The following MYLK variants were observed in gnomAD, a reference collection of about 807,000 sequenced individuals.
MYLK encodes the protein myosin light chain kinase, smooth muscle.
A neutral mutation model predicts 203.4 loss-of-function variants in MYLK; 106 were observed. The observed-to-expected ratio is 0.52, with a 90% CI of 0.45 to 0.61. The LOEUF is 0.61. MYLK is among the 20% of genes least tolerant of loss of function. The pLI, the probability that MYLK is intolerant of heterozygous loss-of-function variation, is 0.00. For synonymous variants in MYLK, 867 were observed against 959.5 expected, an observed-to-expected ratio of 0.90 and a Z score of 1.78; for missense variants, 2,072 against 2,442.3, an observed-to-expected ratio of 0.85 and a Z score of 3.20.
At chr3:123,825,303 T>C (rs1004285925) in intron 3 of MYLK, among the ~76,000 whole-genome samples, 1 of 152,154 alleles carries the variant, frequency 6.6e-6, no homozygotes, top group African/African-American at 2.4e-5. Context: ...TAGCAGGGCA[T>C]GGAGATACAC....
At chr3:123,759,790 C>T (rs918573805) in intron 4 of MYLK, among the ~76,000 whole-genome samples, 3 of 152,232 alleles carry the variant, frequency 2.0e-5, no homozygotes, top group Admixed American at 1.3e-4. Context: ...GCCGTTCTCT[C>T]CCAAGCCCCA....
chr3:123,713,333 C>T (rs552315224), intron 13 of MYLK, among the ~76,000 whole-genome samples: 24 of 152,222 alleles, frequency 1.6e-4, no homozygotes, highest in African/African-American at 3.4e-4. Flanking sequence ...ACTTAACTAA[C>T]GGGAAGTGAC....
intron 19 of MYLK, among the ~76,000 whole-genome samples, chr3:123,687,444 G>T (rs573062512): frequency 1.3e-5 from 2 of 152,120 alleles, no homozygotes; most frequent in Admixed American, 1.3e-4. Context: ...GTCTCTGTTT[G>T]CCTGAGATGA....
intron 31 of MYLK, chr3:123,620,630 C>A: frequency 8.5e-7 from 1 of 1,178,406 alleles, no homozygotes; most frequent in Non-Finnish European, 1.1e-6. Context: ...AGTGCTTCAA[C>A]TCCCATAAAA....
chr3:123,653,376 C>G (rs2059282138), intron 24 of MYLK, among the ~76,000 whole-genome samples: 1 of 152,114 alleles, frequency 6.6e-6, no homozygotes, highest in Non-Finnish European at 1.5e-5. Context: ...GCCTGGAATC[C>G]CCTCAACCAG....
intron 13 of MYLK, among the ~76,000 whole-genome samples, chr3:123,715,317 T>A (rs1219677766): frequency 6.6e-6 from 1 of 152,190 alleles, no homozygotes; most frequent in Non-Finnish European, 1.5e-5. Flanking sequence ...CTGCTGCTGA[T>A]CACCTGGACT....
intron 5 of MYLK, among the ~76,000 whole-genome samples, chr3:123,745,936 C>A (rs912215543): frequency 6.6e-6 from 1 of 152,132 alleles, no homozygotes; most frequent in Non-Finnish European, 1.5e-5. Flanking sequence ...TGGCTCACTG[C>A]AACCTCCTCA....
chr3:123,633,243 A>T (rs1023566788), intron 29 of MYLK, among the ~76,000 whole-genome samples: 4 of 151,306 alleles, frequency 2.6e-5, no homozygotes, highest in Non-Finnish European at 5.9e-5. Flanking sequence ...CCTCCCACCT[A>T]AGCCACCCAA....
chr3:123,783,356 C>G (rs2064373806), intron 4 of MYLK, among the ~76,000 whole-genome samples: 1 of 152,080 alleles, frequency 6.6e-6, no homozygotes, highest in South Asian at 2.1e-4. Flanking sequence ...CTCTTGGTAT[C>G]TTATTTTGCT....
intron 18 of MYLK, among the ~76,000 whole-genome samples, chr3:123,699,629 C>T (rs1253668899): frequency 6.6e-6 from 1 of 152,224 alleles, no homozygotes; most frequent in Non-Finnish European, 1.5e-5. Context: ...CTGTGTCCCC[C>T]ACCTCCAAGC....
chr3:123,884,304 T>C lies in MYLK; in HGVS notation c.-284A>G, dbSNP rs1436164623. Reference sequence around the variant, plus strand: ...CGGGCTCCGAGCTCGCTCAGCGCCCTGCTGCCGACCGGGCGGCGCGGGGAG... The same window carrying C: ...CGGGCTCCGAGCTCGCTCAGCGCCCCGCTGCCGACCGGGCGGCGCGGGGAG... On this transcript the variant is annotated 5_prime_UTR_variant, in exon 1 of 34. Transcript: ENST00000360304. 1 of 132,756 alleles carries C rather than the reference T, an allele frequency of 7.5e-6. No homozygotes were observed. The highest frequency in any genetic ancestry group is 1.6e-5 in the Non-Finnish European group (1 of 63,482). 8.2% of individuals were successfully genotyped at this position (132,756 alleles called of 1,614,324 possible). A position where few individuals can be genotyped will look rare whatever the true frequency, so the allele number is the denominator to read the frequency against.
chr3:123,739,537 C>T (rs543087981), intron 6 of MYLK, among the ~76,000 whole-genome samples: 28 of 152,334 alleles, frequency 1.8e-4, no homozygotes, highest in Non-Finnish European at 3.5e-4. Context: ...ATGTGGAAGG[C>T]TCTCCCCATG....
intron 2 of MYLK, among the ~76,000 whole-genome samples, chr3:123,851,602 A>G (rs1202815898): frequency 1.3e-4 from 20 of 152,148 alleles, no homozygotes; most frequent in African/African-American, 4.6e-4. Context: ...TTTGTATCCT[A>G]AGACTTTGCT....
At position 123,638,053 on chromosome 3, in the gene MYLK, A is replaced by C; in HGVS notation, c.4961+18T>G. On this transcript the variant is annotated intron_variant, in intron 29 of 33. Coordinates refer to ENST00000360304, the MANE Select transcript of MYLK (RefSeq NM_053025.4). ...CCACCAAGTGGTCCACCAGTCCACC[A>C]AGTGCCCCAGGACTCACAGGATGTA... 6.2e-7 allele frequency: 1 copy of C among 1,613,684 alleles called. No individual in the cohort carries two copies. The highest frequency in any genetic ancestry group is 8.5e-7 in the Non-Finnish European group (1 of 1,179,932).
At position 123,612,164 on chromosome 3, in the gene MYLK, G is replaced by T. The variant is rs1265254537; in HGVS notation, c.*1941C>A. ...AAACAAGAACTTCCTAAATCATTCT[G>T]TTCCATAGCAAAACACAACCACATA... On this transcript the variant is annotated 3_prime_UTR_variant, in exon 34 of 34. Coordinates refer to ENST00000360304, the MANE Select transcript of MYLK (RefSeq NM_053025.4). 1 of 152,632 alleles carries T rather than the reference G, an allele frequency of 6.6e-6. No homozygotes were observed. Among genetic ancestry groups the T allele is most frequent in the Non-Finnish European group, 1.5e-5 (1 of 68,042 alleles). 9.5% of individuals were successfully genotyped at this position (152,632 alleles called of 1,614,324 possible). A position where few individuals can be genotyped will look rare whatever the true frequency, so the allele number is the denominator to read the frequency against.
intron 4 of MYLK, among the ~76,000 whole-genome samples, chr3:123,759,148 A>G (rs986203732): frequency 7.2e-5 from 11 of 152,176 alleles, no homozygotes; most frequent in Non-Finnish European, 1.6e-4. Flanking sequence ...TTTAAGTGTG[A>G]TGGGCAACTT....
Position 123,732,964 on chromosome 3 carries a change from C to G in MYLK, c.1448G>C (p.Gly483Ala). The G allele has an allele frequency of 1.2e-6, 2 of 1,614,160 alleles. No homozygotes were observed. The highest frequency in any genetic ancestry group is 2.2e-5 in the South Asian group (2 of 91,074). ...GTTGGAAGCAGTGCAGCTGTATGTC[C>G]CACTGTCCCTGGTCCGGGCTTTCAG... is the stretch of plus-strand genomic sequence containing the variant. ...CLLKARTRDS[G>A]TYSCTASNAQ... is the part of the protein sequence containing the mutation. Residue 483 changes from glycine (G) to alanine (A), a missense_variant, in exon 11 of 34, where the codon GGG (glycine) becomes GCG (alanine). Physicochemically the swap from Gly to Ala is moderately conservative, Grantham distance 60 (BLOSUM62 0). Transcript: ENST00000360304.
At chr3:123,868,539 T>G (rs1309437173) in intron 2 of MYLK, among the ~76,000 whole-genome samples, 1 of 152,260 alleles carries the variant, frequency 6.6e-6, no homozygotes, top group Non-Finnish European at 1.5e-5. Flanking sequence ...GTTTGTTGTA[T>G]TATCCCTGAT....
In MYLK at chr3:123,611,681, T is replaced by TTATATTATATTA. The variant is rs1484672022; in HGVS notation, c.*2423_*2424insTAATATAATATA. The TTATATTATATTA allele has an allele frequency of 6.5e-6, 1 of 154,114 alleles. No individual in the cohort carries two copies. The highest frequency in any genetic ancestry group is 2.4e-5 in the African/African-American group (1 of 41,438). The allele number at this position is 154,114 out of a possible 1,614,324, so 9.5% of individuals were successfully genotyped here. A position where few individuals can be genotyped will look rare whatever the true frequency, so the allele number is the denominator to read the frequency against. The stretch of plus-strand genomic sequence containing the variant: ...TATTACATTGTAATAATATATTTTA[T>TTATATTATATTA]TATAATATAAAATAAGTATACAACT... On this transcript the variant is annotated 3_prime_UTR_variant, in exon 34 of 34. Transcript: ENST00000360304.
Sources: allele counts gnomAD v4.1 joint callset (sites outside exome capture counted in the v4.1 genomes callset), GRCh38; gene constraint gnomAD v4.1.1; transcripts MANE v1.5; gene names NCBI Gene and HGNC (gene_info 2026-07-23, HGNC 2026-07-21).